The following ARHGAP22 variants were observed in gnomAD, a reference collection of about 807,000 sequenced individuals.
The protein encoded by ARHGAP22 is rho GTPase-activating protein 22.
A neutral mutation model predicts 59.1 loss-of-function variants in ARHGAP22; 48 were observed. The observed-to-expected ratio is 0.81, with a 90% confidence interval of 0.64 to 1.03. The LOEUF (loss-of-function observed/expected upper bound fraction) is 1.03, where lower values mean the gene tolerates loss of function less well. Ranked by LOEUF, ARHGAP22 falls within the 50% of genes least tolerant of loss-of-function variation. The probability of loss-of-function intolerance (pLI) is 0.00; values close to 1 mark genes in which losing one functional copy is unlikely to be tolerated. For missense variants in ARHGAP22, 1,015 were observed against 958.7 expected, an observed-to-expected ratio of 1.06 and a Z score of -0.78; for synonymous variants, 445 against 416.4, an observed-to-expected ratio of 1.07 and a Z score of -0.84.
At chr10:48,458,546 A>C (rs1283754526) in intron 5 of ARHGAP22, among the ~76,000 whole-genome samples, 1 of 152,130 alleles carries the variant, frequency 6.6e-6, no homozygotes, top group Non-Finnish European at 1.5e-5. Context: ...GGGAGTGGCA[A>C]GGTCTGATCT....
Position 48,485,629 on chromosome 10 carries a change from T to A in ARHGAP22, c.323-5865A>T, listed in dbSNP as rs188295376. Among the ~76,000 whole-genome samples the A allele has an allele frequency of 5.3e-5, 8 of 152,340 alleles. No individual in the cohort carries two copies. In the East Asian group the frequency reaches 1.5e-3, roughly 29 times the overall value. The stretch of plus-strand genomic sequence containing the variant: ...CAATTATAATTTTAGATTTGTCTAT[T>A]TTCTCCTTGTATTTCTATCAGTTTT... On this transcript the variant is annotated intron_variant, in intron 3 of 9. Transcript: ENST00000249601.
chr10:48,489,434 T>C (rs2050154486), intron 3 of ARHGAP22, among the ~76,000 whole-genome samples: 1 of 152,204 alleles, frequency 6.6e-6, no homozygotes, highest in Admixed American at 6.5e-5. Flanking sequence ...CTTATGGCAA[T>C]AAAGGGGAGT....
chr10:48,574,379 T>C (rs891881629), intron 2 of ARHGAP22, among the ~76,000 whole-genome samples: 2 of 152,160 alleles, frequency 1.3e-5, no homozygotes, highest in Non-Finnish European at 2.9e-5. Context: ...TGATATAGAA[T>C]GGAGAACAGA....
At chr10:48,596,029 T>A (rs1335464332) in intron 1 of ARHGAP22, among the ~76,000 whole-genome samples, 1 of 23,914 alleles carries the variant, frequency 4.2e-5, no homozygotes, top group East Asian at 6.1e-3. Flanking sequence ...GAGTTTGGAT[T>A]TTTTTTTCAT....
At chr10:48,450,173 G>A (rs982917176) in intron 9 of ARHGAP22, 88 bp downstream of exon 9, 172 of 1,512,868 alleles carry the variant, frequency 1.1e-4, no homozygotes, top group Non-Finnish European at 1.5e-4. Flanking sequence ...CGGCCCAGAG[G>A]TTAGGGGCCG....
rs72796308 is a variant in ARHGAP22, at chr10:48,455,141, G to C, written c.660-7C>G. On this transcript the variant is annotated splice_region_variant and splice_polypyrimidine_tract_variant and intron_variant, in intron 5 of 9. Coordinates refer to ENST00000249601, the MANE Select transcript of ARHGAP22 (RefSeq NM_021226.4). ...CGTGTGCACGTCTGTTGTGCTGTGG[G>C]GGGGAAGAGGACAGGTGTGTGAGGC... The C allele has an allele frequency of 3.1e-6, 5 of 1,602,850 alleles. No individual in the cohort carries two copies. In the South Asian group the frequency reaches 3.3e-5, roughly 11 times the overall value.
intron 2 of ARHGAP22, 104 bp downstream of exon 2, chr10:48,582,849 T>C: frequency 7.6e-7 from 1 of 1,319,610 alleles, no homozygotes; most frequent in Admixed American, 2.0e-5. Context: ...ATCACTGTGA[T>C]GGAGTCAGTG....
At position 48,591,366 on chromosome 10, in the gene ARHGAP22, G is replaced by A. The variant is rs78904400; in HGVS notation, c.35-8214C>T. On this transcript the variant is annotated intron_variant, in intron 1 of 9. Coordinates refer to ENST00000249601, the MANE Select transcript of ARHGAP22 (RefSeq NM_021226.4). The stretch of plus-strand genomic sequence containing the variant: ...CACCCCGAGGCACAGGGCCAGCAGA[G>A]GAGGAACCATTTCACGCCATTTTCT... Among the ~76,000 whole-genome samples, 1,388 of 152,314 alleles carry A rather than the reference G, an allele frequency of 9.1e-3. 22 individuals carry two copies. The highest frequency in any genetic ancestry group is 0.032 in the African/African-American group (1,331 of 41,556).
chr10:48,577,128 G>A (rs2058767307), intron 2 of ARHGAP22, among the ~76,000 whole-genome samples: 1 of 151,814 alleles, frequency 6.6e-6, no homozygotes, highest in Admixed American at 6.6e-5. Context: ...CTTCTTCCTA[G>A]AAGTGTCAAG....
At chr10:48,448,469 A>G (rs1564655436) in intron 9 of ARHGAP22, among the ~76,000 whole-genome samples, 1 of 152,346 alleles carries the variant, frequency 6.6e-6, no homozygotes, top group East Asian at 1.9e-4. Context: ...CCACCTGCAC[A>G]GCATCTGGTA....
intron 1 of ARHGAP22, among the ~76,000 whole-genome samples, chr10:48,650,276 T>C (rs1054803935): frequency 6.6e-5 from 10 of 151,572 alleles, no homozygotes; most frequent in Admixed American, 6.6e-4. Context: ...GGAATGAATG[T>C]GGATGAAACT....
chr10:48,500,430 C>G (rs994489672), intron 3 of ARHGAP22, among the ~76,000 whole-genome samples: 9 of 152,112 alleles, frequency 5.9e-5, no homozygotes, highest in African/African-American at 2.2e-4. Flanking sequence ...GAGAAAGACT[C>G]ACACACATAT....
At chr10:48,436,813 A>G in the ARHGAP22 span, 13 of 152,318 alleles carry the variant, frequency 8.5e-5, no homozygotes, top group Admixed American at 5.9e-4. Flanking sequence ...TCCCTTTTCT[A>G]ATACAACAAG....
At chr10:48,436,053 T>G in the ARHGAP22 span, 1 of 152,228 alleles carries the variant, frequency 6.6e-6, no homozygotes, top group Non-Finnish European at 1.5e-5. Flanking sequence ...GGTGTTTCAT[T>G]TGATTCTACT....
chr10:48,604,263 C>A (rs1483774890), intron 1 of ARHGAP22, among the ~76,000 whole-genome samples: 7 of 152,200 alleles, frequency 4.6e-5, no homozygotes, highest in Non-Finnish European at 1.0e-4. Context: ...AGTGTTCTGG[C>A]AGGAAAGCCT....
intron 3 of ARHGAP22, among the ~76,000 whole-genome samples, chr10:48,514,359 A>G (rs1319293207): frequency 6.6e-6 from 1 of 152,228 alleles, no homozygotes; most frequent in African/African-American, 2.4e-5. Flanking sequence ...ACAAGAGAAA[A>G]TACAAGAGAT....
At chr10:48,620,308 A>G (rs1484030679) in intron 1 of ARHGAP22, among the ~76,000 whole-genome samples, 1 of 150,644 alleles carries the variant, frequency 6.6e-6, no homozygotes, top group Non-Finnish European at 1.5e-5. Context: ...AGTGTTTTTC[A>G]TACACTGTCT....
At chr10:48,539,411 C>T (rs1247111144) in intron 3 of ARHGAP22, among the ~76,000 whole-genome samples, 2 of 149,474 alleles carry the variant, frequency 1.3e-5, no homozygotes, top group East Asian at 4.0e-4. Context: ...CCTGCCTCAG[C>T]CTCCCAAGTA....
At chr10:48,507,906 G>GGGGGT (rs1380831411) in intron 3 of ARHGAP22, among the ~76,000 whole-genome samples, 1 of 148,340 alleles carries the variant, frequency 6.7e-6, no homozygotes, top group Non-Finnish European at 1.5e-5. Context: ...ACTGGGGGGT[G>GGGGGT]GGGGTGGGGT....
Sources: gnomAD v4.1 joint callset for allele counts (sites outside exome capture counted in the v4.1 genomes callset) on GRCh38, gnomAD v4.1.1 for gene constraint, MANE v1.5 for transcripts, NCBI Gene and HGNC (gene_info 2026-07-23, HGNC 2026-07-21) for gene names.